Variants in THEMIS observed in about 807,000 individuals in gnomAD.
The protein encoded by THEMIS is protein THEMIS.
Under a neutral mutation model 52.6 loss-of-function variants are expected in THEMIS, and 37 were observed. That is an observed-to-expected ratio of 0.70 (90% CI 0.54 to 0.93). The LOEUF (loss-of-function observed/expected upper bound fraction) is 0.93. Ranked by LOEUF, THEMIS falls within the 40% of genes least tolerant of loss-of-function variation. The pLI, the probability that THEMIS is intolerant of heterozygous loss-of-function variation, is 0.00. For missense variants in THEMIS, 808 were observed against 763.1 expected (o/e 1.06, Z -0.69); for synonymous variants, 292 against 272.7 (o/e 1.07, Z -0.70).
chr6:127,770,725 T>G (rs1440612401), intron 4 of THEMIS, among the ~76,000 whole-genome samples: 2 of 152,152 alleles, frequency 1.3e-5, no homozygotes, highest in East Asian at 1.9e-4. Flanking sequence ...ATTGCCTAGG[T>G]TTTCTTCTAT....
At chr6:127,787,770 A>G (rs1056295057) in intron 4 of THEMIS, among the ~76,000 whole-genome samples, 1 of 152,006 alleles carries the variant, frequency 6.6e-6, no homozygotes, top group Non-Finnish European at 1.5e-5. Flanking sequence ...AACTATATTT[A>G]TAAGCTAAAA....
intron 4 of THEMIS, among the ~76,000 whole-genome samples, chr6:127,735,654 G>A (rs1285399118): frequency 6.6e-6 from 1 of 152,148 alleles, no homozygotes; most frequent in African/African-American, 2.4e-5. Flanking sequence ...CTACAGAACA[G>A]GAACAATCTG....
intron 1 of THEMIS, 74 bp downstream of exon 1, chr6:127,900,768 C>T: frequency 7.9e-7 from 1 of 1,259,536 alleles, no homozygotes; most frequent in Non-Finnish European, 1.2e-6. Context: ...TGTTAAAATT[C>T]CCCCCCTCCA....
At chr6:127,696,826 G>A in the THEMIS span, among the ~76,000 whole-genome samples, 1 of 152,162 alleles carries the variant, frequency 6.6e-6, no homozygotes, top group Admixed American at 6.5e-5. Flanking sequence ...TATGTCTAAT[G>A]TCCAAATTTC....
At chr6:127,795,196 T>G (rs2114537271) in intron 4 of THEMIS, among the ~76,000 whole-genome samples, 1 of 152,320 alleles carries the variant, frequency 6.6e-6, no homozygotes, top group South Asian at 2.1e-4. Flanking sequence ...ATGGCTTTCA[T>G]GAGAAGATTT....
chr6:127,885,271 C>T (rs1452801758), intron 1 of THEMIS, among the ~76,000 whole-genome samples: 1 of 152,058 alleles, frequency 6.6e-6, no homozygotes, highest in Non-Finnish European at 1.5e-5. Context: ...ACTTGCATAA[C>T]CTTCTAAACA....
At chr6:127,793,400 T>C (rs1187373946) in intron 4 of THEMIS, among the ~76,000 whole-genome samples, 1 of 151,868 alleles carries the variant, frequency 6.6e-6, no homozygotes, top group Non-Finnish European at 1.5e-5. Flanking sequence ...AGTGGAGGAG[T>C]TGTGATTCTG....
chr6:127,899,684 T>G (rs1294505335), intron 1 of THEMIS, among the ~76,000 whole-genome samples: 1 of 151,630 alleles, frequency 6.6e-6, no homozygotes, highest in African/African-American at 2.4e-5. Flanking sequence ...AAAGTAGACA[T>G]AAAGAAAGAC....
chr6:127,748,140 T>G (rs1775512402), intron 4 of THEMIS, among the ~76,000 whole-genome samples: 1 of 152,146 alleles, frequency 6.6e-6, no homozygotes, highest in African/African-American at 2.4e-5. Flanking sequence ...GACAATAGCT[T>G]GCCTCTATTA....
At chr6:127,705,112 G>C (rs1773782514), downstream of THEMIS, among the ~76,000 whole-genome samples, 1 of 152,168 alleles carries the variant, frequency 6.6e-6, no homozygotes, top group Non-Finnish European at 1.5e-5. Context: ...TGACTTAGCT[G>C]GTTAGTCAAA....
intron 1 of THEMIS, among the ~76,000 whole-genome samples, chr6:127,907,412 G>A (rs1406201287): frequency 7.9e-6 from 1 of 126,590 alleles, no homozygotes; most frequent in African/African-American, 3.0e-5. Context: ...GTGACACCTG[G>A]CAGCTCAAGA....
chr6:127,806,130 T>C (rs1173068579), intron 4 of THEMIS, among the ~76,000 whole-genome samples: 1 of 152,158 alleles, frequency 6.6e-6, no homozygotes, highest in African/African-American at 2.4e-5. Context: ...TGCAATGAAC[T>C]GATCATTTTT....
chr6:127,709,896 G>T lies in THEMIS; in HGVS notation c.*89C>A. 1 of 1,158,108 alleles carries T rather than the reference G, an allele frequency of 8.6e-7. No individual in the cohort carries two copies. Among genetic ancestry groups the T allele is most frequent in the Non-Finnish European group, 1.2e-6 (1 of 802,718 alleles). The allele number at this position is 1,158,108 out of a possible 1,614,324, so 71.7% of individuals were successfully genotyped here. Reference sequence around the variant, plus strand: ...ATCAAGTTTCTTCTGGAGTCCATTGGGGAATACTCGTTTTTCAGCTAGAAG... The same window carrying T: ...ATCAAGTTTCTTCTGGAGTCCATTGTGGAATACTCGTTTTTCAGCTAGAAG... On this transcript the variant is annotated 3_prime_UTR_variant, in exon 6 of 6. Transcript: ENST00000368248.
intron 2 of THEMIS, among the ~76,000 whole-genome samples, chr6:127,837,171 A>G (rs1026390503): frequency 1.3e-5 from 2 of 152,100 alleles, no homozygotes; most frequent in African/African-American, 4.8e-5. Flanking sequence ...AAAAAGACAC[A>G]GAAAATGATA....
At chr6:127,790,410 C>T (rs1276890084) in intron 4 of THEMIS, among the ~76,000 whole-genome samples, 6 of 152,150 alleles carry the variant, frequency 3.9e-5, no homozygotes, top group African/African-American at 1.4e-4. Context: ...ATTCCTTTCA[C>T]TTAGAAGAAA....
intron 1 of THEMIS, among the ~76,000 whole-genome samples, chr6:127,871,865 C>T (rs149885275): frequency 2.0e-5 from 3 of 152,118 alleles, no homozygotes; most frequent in African/African-American, 7.2e-5. Context: ...AACAATCTGC[C>T]AAACTTCTAA....
intron 1 of THEMIS, among the ~76,000 whole-genome samples, chr6:127,910,652 A>G (rs991804515): frequency 6.6e-6 from 1 of 152,172 alleles, no homozygotes; most frequent in Non-Finnish European, 1.5e-5. Context: ...AGAATAGGTT[A>G]TAGAATCATA....
Position 127,813,082 on chromosome 6 carries a change from G to A in THEMIS, c.1559C>T (p.Ser520Phe), listed in dbSNP as rs368533847. The A allele has an allele frequency of 6.2e-7, 1 of 1,614,022 alleles. No individual in the cohort carries two copies. The highest frequency in any genetic ancestry group is 8.5e-7 in the Non-Finnish European group (1 of 1,180,014). Residue 520 changes from serine (S) to phenylalanine (F), a missense_variant, in exon 4 of 6, where the codon TCT becomes TTT. Transcript: ENST00000368248. ...NMTVQLVSNF[S>F]RDAEPFLVRT... is the part of the protein sequence containing the mutation. The stretch of plus-strand genomic sequence containing the variant: ...GACTAGAAATGGTTCTGCATCCCTA[G>A]AGAAATTACTAACTAACTGAACAGT...
intron 4 of THEMIS, among the ~76,000 whole-genome samples, chr6:127,771,697 A>T (rs1776390436): frequency 6.6e-6 from 1 of 152,188 alleles, no homozygotes. Flanking sequence ...AACTGTGAAA[A>T]TCATTAATTA....
Sources: allele counts gnomAD v4.1 joint callset (sites outside exome capture counted in the v4.1 genomes callset), GRCh38; gene constraint gnomAD v4.1.1; transcripts MANE v1.5; gene names NCBI Gene and HGNC (gene_info 2026-07-23, HGNC 2026-07-21).